The following CTNNA3 variants were observed in gnomAD, a reference collection of about 807,000 sequenced individuals.
CTNNA3 encodes catenin alpha-3.
In CTNNA3, 76 loss-of-function variants were observed where a neutral mutation model predicts 95.7. The ratio of observed to expected loss-of-function variants is 0.79; its 90% confidence interval spans 0.66 to 0.96. The LOEUF is 0.96. Among genes scored for constraint, CTNNA3 ranks in the 40% least tolerant of loss-of-function variants. The pLI, the probability that CTNNA3 is intolerant of heterozygous loss-of-function variation, is 0.00. For synonymous variants in CTNNA3, 431 were observed against 374.4 expected, an observed-to-expected ratio of 1.15 and a Z score of -1.74; for missense variants, 1,191 against 1,089.8, an observed-to-expected ratio of 1.09 and a Z score of -1.31.
At position 66,368,411 on chromosome 10, in the gene CTNNA3, C is replaced by CT. The variant is rs905976292; in HGVS notation, c.1732+10740dup. Among the ~76,000 whole-genome samples the CT allele has an allele frequency of 2.7e-4, 40 of 149,388 alleles. 1 individual carries two copies. The highest frequency in any genetic ancestry group is 3.5e-3 in the Middle Eastern group (1 of 286). ...TCCAGCTGCTTTCTATCTTCTGGAT[C>CT]TTTTTTTTTTCCCTGTGATAATCCT... On this transcript the variant is annotated intron_variant, in intron 12 of 17. Transcript: ENST00000433211.
chr10:66,296,953 G>A (rs2091789896), intron 12 of CTNNA3, among the ~76,000 whole-genome samples: 1 of 152,138 alleles, frequency 6.6e-6, no homozygotes, highest in African/African-American at 2.4e-5. Flanking sequence ...GAAAATCCAT[G>A]CCAAAAATAG....
chr10:66,986,322 C>A (rs1431031338), intron 7 of CTNNA3, among the ~76,000 whole-genome samples: 1 of 151,978 alleles, frequency 6.6e-6, no homozygotes, highest in Non-Finnish European at 1.5e-5. Flanking sequence ...CATGGTGAAA[C>A]CCCATCTCTA....
chr10:66,356,216 G>C (rs988163052), intron 12 of CTNNA3, among the ~76,000 whole-genome samples: 1 of 145,790 alleles, frequency 6.9e-6, no homozygotes, highest in Admixed American at 7.0e-5. Flanking sequence ...CTTATATATA[G>C]CTGGAAAAAA....
At chr10:66,295,416 T>G (rs566551717) in intron 12 of CTNNA3, among the ~76,000 whole-genome samples, 2 of 152,246 alleles carry the variant, frequency 1.3e-5, no homozygotes, top group Admixed American at 6.5e-5. Flanking sequence ...CCTATCTACA[T>G]TCAGAATGGG....
intron 6 of CTNNA3, among the ~76,000 whole-genome samples, chr10:67,187,874 C>T (rs1005860425): frequency 2.6e-5 from 4 of 152,192 alleles, no homozygotes; most frequent in African/African-American, 9.6e-5. Flanking sequence ...GTGTAAGCCA[C>T]TGTGCCCAGT....
intron 7 of CTNNA3, among the ~76,000 whole-genome samples, chr10:66,853,664 G>A (rs1025417704): frequency 6.6e-6 from 1 of 151,938 alleles, no homozygotes; most frequent in African/African-American, 2.4e-5. Flanking sequence ...AAAGCAAACA[G>A]AATAAAATCA....
rs1172612837 is a variant in CTNNA3, at chr10:66,069,408, GCTT to G, written c.2056_2058del (p.Lys686del). On this transcript the variant is annotated inframe_deletion, in exon 15 of 18. Transcript: ENST00000433211. Reference sequence around the variant, plus strand: ...TCCCATATCTCAATCTCAGCATCCAGCTTACTCTTTACTTTCTTGAAATCAGCA... The same window carrying G: ...TCCCATATCTCAATCTCAGCATCCAGACTCTTTACTTTCTTGAAATCAGCA... The G allele has an allele frequency of 6.2e-7, 1 of 1,613,294 alleles. No individual in the cohort carries two copies. The highest frequency in any genetic ancestry group is 2.2e-5 in the East Asian group (1 of 44,840).
At chr10:67,430,005 A>G (rs1846056962) in intron 5 of CTNNA3, among the ~76,000 whole-genome samples, 1 of 152,040 alleles carries the variant, frequency 6.6e-6, no homozygotes, top group Admixed American at 6.6e-5. Context: ...AAAGACTTCC[A>G]TTGATAGTTC....
intron 7 of CTNNA3, among the ~76,000 whole-genome samples, chr10:67,065,868 C>A (rs906657244): frequency 6.6e-6 from 1 of 151,734 alleles, no homozygotes; most frequent in Non-Finnish European, 1.5e-5. Flanking sequence ...TCAGTAGGAC[C>A]TCAACTAAAA....
At chr10:65,957,147 C>T (rs2077748090) in intron 17 of CTNNA3, among the ~76,000 whole-genome samples, 1 of 152,062 alleles carries the variant, frequency 6.6e-6, no homozygotes, top group Non-Finnish European at 1.5e-5. Flanking sequence ...ATGTAATGGC[C>T]TTCTTTGTGT....
At chr10:66,017,882 C>T (rs1260180321) in intron 15 of CTNNA3, among the ~76,000 whole-genome samples, 2 of 152,034 alleles carry the variant, frequency 1.3e-5, no homozygotes, top group African/African-American at 2.4e-5. Flanking sequence ...AATTCATTTT[C>T]TCACAGAGAT....
At chr10:66,742,168 A>G (rs1392558770) in intron 9 of CTNNA3, among the ~76,000 whole-genome samples, 4 of 152,310 alleles carry the variant, frequency 2.6e-5, no homozygotes, top group African/African-American at 9.6e-5. Context: ...GTCCCTGAGA[A>G]AGACAATGTG....
In CTNNA3 at chr10:66,180,133, G is replaced by A. The variant is rs527551848; in HGVS notation, c.1885-76884C>T. On this transcript the variant is annotated intron_variant, in intron 13 of 17. Coordinates refer to ENST00000433211, the MANE Select transcript of CTNNA3 (RefSeq NM_013266.4). ...ATCAGGAATCATTTCATATCGCTTT[G>A]CTTGGCTGGAAGTGTGTGTGCACAC... Among the ~76,000 whole-genome samples the A allele has an allele frequency of 1.8e-4, 27 of 152,210 alleles. No homozygotes were observed. The South Asian group carries it at 4.6e-3, about 26-fold the overall frequency.
intron 14 of CTNNA3, among the ~76,000 whole-genome samples, chr10:66,100,710 G>C (rs555102673): frequency 1.4e-4 from 22 of 152,282 alleles, no homozygotes; most frequent in Non-Finnish European, 2.5e-4. Flanking sequence ...ATAATGGGCA[G>C]CCAGTCATCT....
At chr10:66,628,197 C>G (rs1264044591) in intron 9 of CTNNA3, among the ~76,000 whole-genome samples, 1 of 152,120 alleles carries the variant, frequency 6.6e-6, no homozygotes, top group East Asian at 1.9e-4. Flanking sequence ...TTATCTCTAT[C>G]TGGAACTGAA....
chr10:66,058,090 A>G (rs555608789), intron 15 of CTNNA3, among the ~76,000 whole-genome samples: 209 of 152,304 alleles, frequency 1.4e-3, no homozygotes, highest in Non-Finnish European at 1.9e-3. Context: ...TGTCATTAAC[A>G]CATTATATTA....
chr10:66,200,948 A>G (rs1052541260), intron 13 of CTNNA3, among the ~76,000 whole-genome samples: 1 of 152,118 alleles, frequency 6.6e-6, no homozygotes, highest in African/African-American at 2.4e-5. Flanking sequence ...CTTATTATCC[A>G]TTGTTACTGA....
At chr10:66,570,651 A>G (rs2132163167) in intron 10 of CTNNA3, among the ~76,000 whole-genome samples, 1 of 151,968 alleles carries the variant, frequency 6.6e-6, no homozygotes, top group South Asian at 2.1e-4. Flanking sequence ...ACTTTTAAAA[A>G]CCACTTGATT....
chr10:67,145,016 C>G (rs1437677859), intron 7 of CTNNA3, among the ~76,000 whole-genome samples: 2 of 152,034 alleles, frequency 1.3e-5, no homozygotes, highest in East Asian at 3.9e-4. Flanking sequence ...ATTACTTGGC[C>G]TAATTTCAAT....
Sources: gnomAD v4.1 joint callset for allele counts (sites outside exome capture counted in the v4.1 genomes callset) on GRCh38, gnomAD v4.1.1 for gene constraint, MANE v1.5 for transcripts, NCBI Gene and HGNC (gene_info 2026-07-23, HGNC 2026-07-21) for gene names.